Variants in DNAL4 observed in about 807,000 individuals in gnomAD.
DNAL4 encodes dynein light chain, outer arm 4.
A neutral mutation model predicts 12.6 loss-of-function variants in DNAL4; 10 were observed. The observed-to-expected ratio is 0.79, with a 90% CI of 0.49 to 1.34. The LOEUF (loss-of-function observed/expected upper bound fraction) is 1.34, where lower values mean the gene tolerates loss of function less well. Ranked by LOEUF, DNAL4 falls within the 40% of genes most tolerant of loss-of-function variation. DNAL4 has a pLI of 0.00. For missense variants in DNAL4, 128 were observed against 138.1 expected, an observed-to-expected ratio of 0.93 and a Z score of 0.37; for synonymous variants, 46 against 53.1, an observed-to-expected ratio of 0.87 and a Z score of 0.58.
rs1274981989 is a variant in DNAL4, at chr22:38,779,474, G to A, written c.293C>T (p.Ala98Val). ...LLYLYFGGTLAVCVWKCS is the reference protein window; with the variant it reads ...LLYLYFGGTLVVCVWKCS ...TCAGGAGCACTTCCAGACGCACACA[G>A]CCAGGGTGCCCCCGAAGTACAGGTA... Residue 98 changes from alanine to valine, a missense_variant, in exon 4 of 4, where the codon GCT (alanine) becomes GTT (valine). Ala to Val is a moderately conservative substitution (Grantham distance 64). Transcript: ENST00000216068. This position sits in a 1 kb window ranked among gnomAD's most constrained non-coding sequence, Gnocchi z 4.3. 4 of 1,577,956 alleles carry A rather than the reference G, an allele frequency of 2.5e-6. No homozygotes were observed. Among genetic ancestry groups the A allele is most frequent in the African/African-American group, 2.7e-5 (2 of 74,272 alleles).
chr22:38,784,749 G>A (rs2093039653), intron 1 of DNAL4, among the ~76,000 whole-genome samples: 2 of 152,086 alleles, frequency 1.3e-5, no homozygotes, highest in African/African-American at 2.4e-5. Flanking sequence ...TCCTGACCTC[G>A]TGATCCGCCC....
chr22:38,791,784 G>T (rs1308487461), intron 1 of DNAL4, among the ~76,000 whole-genome samples: 1 of 151,866 alleles, frequency 6.6e-6, no homozygotes, highest in Non-Finnish European at 1.5e-5. Context: ...TCCACCATCC[G>T]GGTTCAAATG....
At chr22:38,787,047 G>A (rs976837754) in intron 1 of DNAL4, among the ~76,000 whole-genome samples, 4 of 152,118 alleles carry the variant, frequency 2.6e-5, no homozygotes, top group East Asian at 3.9e-4. Context: ...GAACATCCGC[G>A]GCCCTTAGAT....
At chr22:38,780,436 A>G (rs1047924171) in intron 3 of DNAL4, among the ~76,000 whole-genome samples, 4 of 152,212 alleles carry the variant, frequency 2.6e-5, no homozygotes, top group Non-Finnish European at 5.9e-5. Context: ...CCCACTGGCC[A>G]GTGTCTTGCC....
chr22:38,785,817 G>A (rs2093041391), intron 1 of DNAL4: 1 of 152,214 alleles, frequency 6.6e-6, no homozygotes, highest in Non-Finnish European at 1.5e-5. Context: ...GGAAGCTGTT[G>A]CAAGCCCCAG....
rs760482 is a variant in DNAL4, at chr22:38,782,696, A to G, written c.36T>C (p.Asp12=). ...GAGGGAAGGTCTGCAGTCGCTTATA[A>G]TCAGCCTCATCTTTCTTCCCTTCTG... ...GETEGKKDEA[D]YKRLQTFPLV... Residue 12 remains aspartate (D), a synonymous_variant, in exon 2 of 4, where the codon GAT becomes GAC. Transcript: ENST00000216068. The surrounding 1 kb of genome is among the most constrained non-coding windows in gnomAD (Gnocchi z 5.1). 507,201 of 1,611,918 alleles carry G rather than the reference A, an allele frequency of 0.31. 84,416 individuals are homozygous for G. Among genetic ancestry groups the G allele is most frequent in the East Asian group, 0.67 (29,746 of 44,718 alleles).
intron 1 of DNAL4, among the ~76,000 whole-genome samples, chr22:38,792,816 A>T (rs2093053051): frequency 6.6e-6 from 1 of 152,224 alleles, no homozygotes; most frequent in South Asian, 2.1e-4. Context: ...GTTTACGGTT[A>T]AATTTTATTT....
Position 38,787,224 on chromosome 22 carries a change from T to TTTTC in DNAL4, c.-139-4358_-139-4355dup, listed in dbSNP as rs554835421. On this transcript the variant is annotated intron_variant, in intron 1 of 3. Transcript: ENST00000216068. Reference sequence around the variant, plus strand: ...CTCCCTAAGCCTCAGTTTTCTTTTCTTTTCTTTCTTTCTTTCTTTCTTTTT... The same window carrying TTTTC: ...CTCCCTAAGCCTCAGTTTTCTTTTCTTTTCTTTCTTTCTTTCTTTCTTTCTTTTT... Among the ~76,000 whole-genome samples the TTTTC allele has an allele frequency of 5.7e-3, 867 of 151,654 alleles. 8 individuals are homozygous for TTTTC. Among genetic ancestry groups the TTTTC allele is most frequent in the African/African-American group, 0.018 (730 of 41,214 alleles).
At position 38,782,781 on chromosome 22, in the gene DNAL4, TG is replaced by T; in HGVS notation, c.-51del. On this transcript the variant is annotated 5_prime_UTR_variant, in exon 2 of 4. Coordinates refer to ENST00000216068, the MANE Select transcript of DNAL4 (RefSeq NM_005740.3). This position sits in a 1 kb window ranked among gnomAD's most constrained non-coding sequence, Gnocchi z 5.1. ...GGAGAGTGGGGCTTTCAGGAGGTGC[TG>T]GGACTGGCAGTTAAGACACACCCAG... is the stretch of plus-strand genomic sequence containing the variant. 6.4e-7 allele frequency: 1 copy of T among 1,563,624 alleles called. No individual in the cohort carries two copies. The highest frequency in any genetic ancestry group is 2.4e-5 in the East Asian group (1 of 41,618).
At chr22:38,787,389 G>A (rs937320775) in intron 1 of DNAL4, among the ~76,000 whole-genome samples, 2 of 151,844 alleles carry the variant, frequency 1.3e-5, no homozygotes, top group Non-Finnish European at 2.9e-5. Flanking sequence ...TTACAGGTAC[G>A]CGCCACCACG....
At chr22:38,790,844 T>C (rs1307734967) in intron 1 of DNAL4, among the ~76,000 whole-genome samples, 1 of 152,144 alleles carries the variant, frequency 6.6e-6, no homozygotes, top group African/African-American at 2.4e-5. Flanking sequence ...GCAACTGTAA[T>C]GCAATGGTGT....
intron 2 of DNAL4, among the ~76,000 whole-genome samples, chr22:38,781,528 G>C (rs1343640394): frequency 1.3e-5 from 2 of 152,010 alleles, no homozygotes; most frequent in Admixed American, 6.5e-5. Flanking sequence ...GCGCCTGTCT[G>C]TGTCCTCTCT....
At chr22:38,781,217 A>G (rs900199951) in intron 2 of DNAL4, among the ~76,000 whole-genome samples, 3 of 152,264 alleles carry the variant, frequency 2.0e-5, no homozygotes, top group Admixed American at 6.5e-5. Context: ...TCTCAAGCCC[A>G]GGCTCTCTGC....
In DNAL4 at chr22:38,779,698, C is replaced by G. The variant is rs2093031353; in HGVS notation, c.154-85G>C. The G allele has an allele frequency of 4.1e-6, 6 of 1,474,100 alleles. No individual in the cohort carries two copies. The Admixed American group carries it at 6.9e-5, about 17-fold the overall frequency. The allele number at this position is 1,474,100 out of a possible 1,614,324, so 91.3% of individuals were successfully genotyped here. Reference sequence around the variant, plus strand: ...CCTTCTCCAGGAAGGAGAAGGCTGGCACTGAGGTCTTGGCAAGAGAAAGGC... The same window carrying G: ...CCTTCTCCAGGAAGGAGAAGGCTGGGACTGAGGTCTTGGCAAGAGAAAGGC... On this transcript the variant is annotated intron_variant, in intron 3 of 3. Transcript: ENST00000216068. This position sits in a 1 kb window ranked among gnomAD's most constrained non-coding sequence, Gnocchi z 4.3.
chr22:38,779,248 A>G lies in DNAL4; in HGVS notation c.*201T>C. Reference sequence around the variant, plus strand: ...CCCGCTGCCCCGTCCACACCCTGAGACTCCGAGGGAGACGGTTGAGAGCCT... The same window carrying G: ...CCCGCTGCCCCGTCCACACCCTGAGGCTCCGAGGGAGACGGTTGAGAGCCT... On this transcript the variant is annotated 3_prime_UTR_variant, in exon 4 of 4. Coordinates refer to ENST00000216068, the MANE Select transcript of DNAL4 (RefSeq NM_005740.3). The surrounding 1 kb of genome is among the most constrained non-coding windows in gnomAD (Gnocchi z 4.3). 3 of 667,962 alleles carry G rather than the reference A, an allele frequency of 4.5e-6. No homozygotes were observed. The highest frequency in any genetic ancestry group is 7.1e-6 in the Non-Finnish European group (3 of 423,758). The allele number at this position is 667,962 out of a possible 1,614,324, so 41.4% of individuals were successfully genotyped here. A position where few individuals can be genotyped will look rare whatever the true frequency, so the allele number is the denominator to read the frequency against.
chr22:38,792,756 G>T (rs1302832542), intron 1 of DNAL4, among the ~76,000 whole-genome samples: 2 of 152,154 alleles, frequency 1.3e-5, no homozygotes, highest in African/African-American at 2.4e-5. Context: ...CATCTCCTAT[G>T]ATAACAAAGC....
intron 3 of DNAL4, among the ~76,000 whole-genome samples, chr22:38,780,408 C>T (rs547807287): frequency 3.3e-5 from 5 of 152,306 alleles, no homozygotes; most frequent in Admixed American, 2.0e-4. Context: ...TGGGCCTGGC[C>T]GACCCAAAGC....
At chr22:38,780,766 C>T in intron 3 of DNAL4, 160 bp downstream of exon 3, 2 of 693,374 alleles carry the variant, frequency 2.9e-6, no homozygotes, top group South Asian at 3.8e-5. Flanking sequence ...CAGCGCCAGC[C>T]TCTCACTCAC....
intron 1 of DNAL4, among the ~76,000 whole-genome samples, chr22:38,788,409 T>C (rs1002158677): frequency 1.3e-5 from 2 of 152,204 alleles, no homozygotes; most frequent in African/African-American, 4.8e-5. Flanking sequence ...ACGTGGTCCT[T>C]ATTTTTTCTC....
Sources: gnomAD v4.1 joint callset for allele counts (sites outside exome capture counted in the v4.1 genomes callset) on GRCh38, gnomAD v4.1.1 for gene constraint, Gnocchi (gnomAD v3.1) non-coding constraint, MANE v1.5 for transcripts, NCBI Gene and HGNC (gene_info 2026-07-23, HGNC 2026-07-21) for gene names.